BCAR1: variants seen among roughly 807,000 people sequenced by gnomAD.
BCAR1 encodes the protein BCAR1 scaffold protein, Cas family member, also known as breast cancer anti-estrogen resistance protein 1.
A neutral mutation model predicts 67.6 loss-of-function variants in BCAR1; 30 were observed. That is an observed-to-expected ratio of 0.44 (90% CI 0.33 to 0.60). The LOEUF (loss-of-function observed/expected upper bound fraction) is 0.60. Ranked by LOEUF, BCAR1 falls within the 20% of genes least tolerant of loss-of-function variation. The probability of loss-of-function intolerance (pLI) is 0.02; values close to 1 mark genes in which losing one functional copy is unlikely to be tolerated. For missense variants in BCAR1, 1,313 were observed against 1,222.3 expected (o/e 1.07, Z -1.11); for synonymous variants, 626 against 556.7 (o/e 1.12, Z -1.75).
intron 1 of BCAR1, among the ~76,000 whole-genome samples, chr16:75,262,866 G>C (rs1296712247): frequency 6.6e-6 from 1 of 152,216 alleles, no homozygotes; most frequent in Non-Finnish European, 1.5e-5. Flanking sequence ...CAGGGACGCA[G>C]AAGAGGTGAC....
rs138370597 is a variant in BCAR1 at position 75,242,929 on chromosome 16, G to A, written c.174C>T (p.Asn58=). The A allele has an allele frequency of 1.7e-4, 272 of 1,612,772 alleles. No individual in the cohort carries two copies. Among genetic ancestry groups the A allele is most frequent in the Non-Finnish European group, 2.2e-4 (258 of 1,179,820 alleles). The change falls in exon 2 of 7, where the codon AAC becomes AAT. Residue 58 remains asparagine (N), a synonymous_variant. Transcript: ENST00000162330. ...ACATGCCCACCAAGATCTTGAGGCG[G>A]TTCCCAGGCACGATGCCCTGGCGCC... ...LHGRQGIVPG[N]RLKILVGMYD...
intron 1 of BCAR1, among the ~76,000 whole-genome samples, chr16:75,267,660 C>T (rs1421891730): frequency 6.6e-6 from 1 of 152,110 alleles, no homozygotes; most frequent in Non-Finnish European, 1.5e-5. Flanking sequence ...TGCTTGGGGC[C>T]CACTGTTCCT....
At chr16:75,261,835 G>A (rs901972968) in intron 1 of BCAR1, among the ~76,000 whole-genome samples, 4 of 152,202 alleles carry the variant, frequency 2.6e-5, no homozygotes, top group African/African-American at 9.7e-5. Flanking sequence ...TCCTCCCCAC[G>A]CTGGCTGCCC....
intron 1 of BCAR1, chr16:75,263,767 G>C: frequency 1.0e-6 from 1 of 986,604 alleles, no homozygotes; most frequent in Non-Finnish European, 1.2e-6. Flanking sequence ...ACGTGTCCCT[G>C]AGCAGTCGCC....
At chr16:75,256,917 G>A (rs774212514) in intron 1 of BCAR1, among the ~76,000 whole-genome samples, 25 of 152,230 alleles carry the variant, frequency 1.6e-4, no homozygotes, top group Non-Finnish European at 3.4e-4. Context: ...TGTGTGCAGT[G>A]AGGAGGGGCC....
intron 2 of BCAR1, among the ~76,000 whole-genome samples, chr16:75,240,502 T>A (rs1031641986): frequency 6.6e-6 from 1 of 152,218 alleles, no homozygotes; most frequent in Admixed American, 6.5e-5. Context: ...ATATCTAATG[T>A]TGGATTTACA....
chr16:75,250,470 GAGA>G (rs1369629410), intron 1 of BCAR1, among the ~76,000 whole-genome samples: 12 of 152,230 alleles, frequency 7.9e-5, no homozygotes, highest in Non-Finnish European at 1.3e-4. Flanking sequence ...TGGTCATTCT[GAGA>G]AGGTGACCAA....
chr16:75,260,095 G>A (rs1289428606), intron 1 of BCAR1, among the ~76,000 whole-genome samples: 4 of 152,042 alleles, frequency 2.6e-5, no homozygotes, highest in Admixed American at 2.6e-4. Flanking sequence ...TTGGGAGACT[G>A]AGGCAGGAGA....
intron 1 of BCAR1, among the ~76,000 whole-genome samples, chr16:75,257,234 TGGGCGGAG>T (rs943847872): frequency 1.3e-5 from 2 of 151,546 alleles, no homozygotes; most frequent in Non-Finnish European, 2.9e-5. Context: ...CCCAGTGTAC[TGGGCGGAG>T]GGGGGTGACT....
intron 2 of BCAR1, chr16:75,238,421 G>C: frequency 9.6e-7 from 1 of 1,042,932 alleles, no homozygotes; most frequent in South Asian, 3.0e-5. Context: ...ACATCCCCCA[G>C]GGCAGCAGCG....
chr16:75,247,608 C>A (rs184791493), intron 1 of BCAR1: 2 of 171,826 alleles, frequency 1.2e-5, no homozygotes, highest in South Asian at 3.0e-4. Context: ...CTGGGTCAGG[C>A]GGAAGCTGGT....
chr16:75,265,545 G>A (rs1479595916), intron 1 of BCAR1, among the ~76,000 whole-genome samples: 1 of 152,032 alleles, frequency 6.6e-6, no homozygotes, highest in Non-Finnish European at 1.5e-5. Flanking sequence ...GACCAACAAA[G>A]AGTCTTCCCG....
At position 75,237,231 on chromosome 16, in the gene BCAR1, A is replaced by G; in HGVS notation, c.747T>C (p.Tyr249=). The G allele has an allele frequency of 1.3e-6, 2 of 1,562,504 alleles. No homozygotes were observed. Among genetic ancestry groups the G allele is most frequent in the South Asian group, 1.2e-5 (1 of 84,686 alleles). ...HLLAPGPQDI[Y]DVPPVRGLLP... The stretch of plus-strand genomic sequence containing the variant: ...GCAGCCCCCGAACCGGGGGCACATC[A>G]TAGATGTCCTGTGGCCCCGGGGCCA... Residue 249 remains tyrosine (Y), a synonymous_variant, in exon 3 of 7, where the codon TAT becomes TAC. Coordinates refer to ENST00000162330, the MANE Select transcript of BCAR1 (RefSeq NM_014567.5).
intron 1 of BCAR1, among the ~76,000 whole-genome samples, chr16:75,262,377 C>T (rs1474869197): frequency 6.6e-6 from 1 of 152,206 alleles, no homozygotes; most frequent in Non-Finnish European, 1.5e-5. Context: ...CATCACCCCA[C>T]CAACAAATGG....
rs1217623901 is a variant in BCAR1, at chr16:75,243,007, C to T, written c.96G>A (p.Val32=). The T allele has an allele frequency of 6.2e-7, 1 of 1,613,502 alleles. No homozygotes were observed. The highest frequency in any genetic ancestry group is 8.5e-7 in the Non-Finnish European group (1 of 1,179,764). Residue 32 remains valine, a synonymous_variant, in exon 2 of 7, where the codon GTG becomes GTA. Coordinates refer to ENST00000162330, the MANE Select transcript of BCAR1 (RefSeq NM_014567.5). ...CCAGGCCCTGCGTGTCCTGCTCCAG[C>T]ACCGTCATGATGTCACCCTTGCGGA... ...LSFRKGDIMT[V]LEQDTQGLDG...
intron 1 of BCAR1, among the ~76,000 whole-genome samples, chr16:75,243,315 AC>A (rs2077415174): frequency 6.6e-6 from 1 of 151,882 alleles, no homozygotes; most frequent in African/African-American, 2.4e-5. Flanking sequence ...CCTGTATAGC[AC>A]CTCAAAATCC....
At chr16:75,244,667 G>A (rs2077461621) in intron 1 of BCAR1, among the ~76,000 whole-genome samples, 1 of 152,228 alleles carries the variant, frequency 6.6e-6, no homozygotes, top group Non-Finnish European at 1.5e-5. Flanking sequence ...GTCCCTAAAA[G>A]GGCCAGAGGC....
intron 1 of BCAR1, among the ~76,000 whole-genome samples, chr16:75,261,555 A>C (rs1342718407): frequency 6.6e-6 from 1 of 152,260 alleles, no homozygotes; most frequent in African/African-American, 2.4e-5. Context: ...ATGCCGCCTC[A>C]TTCCTGGGGG....
At chr16:75,265,752 C>G in intron 1 of BCAR1, 2 of 1,194,684 alleles carry the variant, frequency 1.7e-6, no homozygotes, top group Non-Finnish European at 1.0e-6. Flanking sequence ...GCATCAGGCC[C>G]GCAGCGGGCG....
Sources: gnomAD v4.1 joint callset for allele counts (sites outside exome capture counted in the v4.1 genomes callset) on GRCh38, gnomAD v4.1.1 for gene constraint, MANE v1.5 for transcripts, NCBI Gene and HGNC (gene_info 2026-07-23, HGNC 2026-07-21) for gene names.